CEP97: variants seen among roughly 807,000 people sequenced by gnomAD.
The protein encoded by CEP97 is centrosomal protein of 97 kDa.
A neutral mutation model predicts 73.1 loss-of-function variants in CEP97; 43 were observed. That is an observed-to-expected ratio of 0.59 (90% CI 0.46 to 0.76). The LOEUF is 0.76. Among genes scored for constraint, CEP97 ranks in the 30% least tolerant of loss-of-function variants. CEP97 has a pLI of 0.00. For missense variants in CEP97, 939 were observed against 1,014.0 expected, an observed-to-expected ratio of 0.93 and a Z score of 1.00; for synonymous variants, 337 against 370.0, an observed-to-expected ratio of 0.91 and a Z score of 1.02.
At chr3:101,763,424 C>T (rs1393597311) in intron 10 of CEP97, among the ~76,000 whole-genome samples, 1 of 151,920 alleles carries the variant, frequency 6.6e-6, no homozygotes, top group African/African-American at 2.4e-5. Context: ...AGCACTAGCG[C>T]ATTACAGCCT....
At chr3:101,739,774 T>C (rs1296964149) in intron 6 of CEP97, among the ~76,000 whole-genome samples, 1 of 151,826 alleles carries the variant, frequency 6.6e-6, no homozygotes, top group Non-Finnish European at 1.5e-5. Flanking sequence ...GAGGTGGTGG[T>C]GGGCACTTGT....
chr3:101,750,047 G>A (rs181154947), intron 6 of CEP97, among the ~76,000 whole-genome samples: 3,288 of 137,416 alleles, frequency 0.024, 106 homozygotes, highest in Non-Finnish European at 0.03. Flanking sequence ...TGCTTTTGGT[G>A]TTTAGACATG....
Sources: gnomAD v4.1 joint callset for allele counts (sites outside exome capture counted in the v4.1 genomes callset) on GRCh38, gnomAD v4.1.1 for gene constraint, MANE v1.5 for transcripts, NCBI Gene and HGNC (gene_info 2026-07-23, HGNC 2026-07-21) for gene names.